The following SIK3 variants were observed in gnomAD, a reference collection of about 807,000 sequenced individuals.
SIK3 encodes the protein SIK family kinase 3.
SIK3 carries 28 observed loss-of-function variants against 144.2 expected under a neutral mutation model. The ratio of observed to expected loss-of-function variants is 0.19; its 90% CI spans 0.14 to 0.27. SIK3 has a LOEUF of 0.27. Among genes scored for constraint, SIK3 ranks in the 10% least tolerant of loss-of-function variants. SIK3 has a pLI of 1.00. For missense variants in SIK3, 1,319 were observed against 1,776.0 expected (o/e 0.74, Z 4.62); for synonymous variants, 686 against 676.3 (o/e 1.01, Z -0.22).
chr11:116,868,878 T>C (rs1943798257), intron 14 of SIK3: 1 of 152,192 alleles, frequency 6.6e-6, no homozygotes, highest in South Asian at 2.1e-4. Context: ...TTGTCCCTCT[T>C]TGTCTGGTGG....
intron 1 of SIK3, among the ~76,000 whole-genome samples, chr11:116,964,692 C>T (rs914083775): frequency 6.6e-6 from 1 of 152,042 alleles, no homozygotes; most frequent in Admixed American, 6.5e-5. Flanking sequence ...ACCAGCCTGG[C>T]CAACATGGTG....
intron 4 of SIK3, among the ~76,000 whole-genome samples, chr11:116,911,106 C>A (rs1431337132): frequency 1.3e-5 from 2 of 151,958 alleles, no homozygotes; most frequent in Admixed American, 6.6e-5. Context: ...TGCACTCCAA[C>A]CTGGGTGACA....
intron 22 of SIK3, among the ~76,000 whole-genome samples, chr11:116,848,264 G>T (rs1412193608): frequency 6.6e-6 from 1 of 152,082 alleles, no homozygotes; most frequent in Non-Finnish European, 1.5e-5. Context: ...GGAGAATGGC[G>T]TGAACCCGGG....
intron 1 of SIK3, among the ~76,000 whole-genome samples, chr11:117,046,990 CT>C (rs1021684514): frequency 6.6e-6 from 1 of 152,162 alleles, no homozygotes; most frequent in African/African-American, 2.4e-5. Context: ...GTAACAGAAT[CT>C]TTTTTTCCTA....
chr11:116,861,406 C>A, intron 18 of SIK3, 23 bp from the exon 19 acceptor site: 1 of 1,513,876 alleles, frequency 6.6e-7, no homozygotes. Context: ...AAAAGAGATA[C>A]ACAAAGAAGC....
intron 1 of SIK3, among the ~76,000 whole-genome samples, chr11:117,015,215 G>A (rs192179046): frequency 5.9e-4 from 90 of 152,156 alleles, no homozygotes; most frequent in African/African-American, 2.1e-3. Context: ...GTTAACCAGA[G>A]AAATGCAAAC....
intron 24 of SIK3, 28 bp from the exon 25 acceptor site, chr11:116,845,657 T>C (rs1941880710): frequency 6.6e-6 from 1 of 152,244 alleles, no homozygotes; most frequent in South Asian, 2.1e-4. Context: ...CAGAGGAGAA[T>C]TAGTTTGAAA....
intron 1 of SIK3, among the ~76,000 whole-genome samples, chr11:117,030,490 G>A (rs148528919): frequency 1.3e-5 from 2 of 152,158 alleles, no homozygotes; most frequent in African/African-American, 4.8e-5. Flanking sequence ...TGTGAAAAAA[G>A]CAAGACACAA....
chr11:116,978,336 A>G (rs1418837243), intron 1 of SIK3, among the ~76,000 whole-genome samples: 1 of 152,178 alleles, frequency 6.6e-6, no homozygotes, highest in African/African-American at 2.4e-5. Flanking sequence ...TATTCAAACC[A>G]TAGTTCCTAC....
chr11:116,947,569 A>ATGTATGTATTT (rs374241141), intron 3 of SIK3, among the ~76,000 whole-genome samples: 28,885 of 108,858 alleles, frequency 0.27, 5,600 homozygotes, highest in Non-Finnish European at 0.41. Flanking sequence ...GTATGTATGT[A>ATGTATGTATTT]TTTTTTTTTT....
chr11:116,862,510 G>T (rs1263017604), intron 16 of SIK3, among the ~76,000 whole-genome samples, 183 bp from the exon 17 acceptor site: 3 of 152,206 alleles, frequency 2.0e-5, no homozygotes, highest in African/African-American at 7.2e-5. Flanking sequence ...TTCACATCCT[G>T]TTCTGTATGA....
intron 3 of SIK3, among the ~76,000 whole-genome samples, chr11:116,944,171 T>G (rs1366028833): frequency 6.6e-6 from 1 of 152,146 alleles, no homozygotes; most frequent in Admixed American, 6.5e-5. Flanking sequence ...TATTTTAGAC[T>G]CTGCAGAGTG....
chr11:116,876,001 T>C lies in SIK3; in HGVS notation c.1104A>G (p.Arg368=). 6.2e-7 allele frequency: 1 copy of C among 1,613,560 alleles called. No homozygotes were observed. The highest frequency in any genetic ancestry group is 8.5e-7 in the Non-Finnish European group (1 of 1,179,888). Residue 368 remains arginine (R), a synonymous_variant, in exon 9 of 25, where the codon AGA becomes AGG. Transcript: ENST00000445177. ...LDKEQTLQSL[R]SDAYDHYSAI... ...CACTATAGTGATCATAGGCATCTGA[T>C]CTTAATGACTACCAAGAGAGAAGGG... is the stretch of plus-strand genomic sequence containing the variant.
At chr11:116,855,083 C>CCA (rs1942780970) in intron 21 of SIK3, among the ~76,000 whole-genome samples, 1 of 82,152 alleles carries the variant, frequency 1.2e-5, no homozygotes, top group Non-Finnish European at 2.1e-5. Flanking sequence ...GAGACTCTGC[C>CCA]AAAAAAAAAA....
intron 1 of SIK3, among the ~76,000 whole-genome samples, chr11:117,060,436 A>G (rs1045780297): frequency 3.3e-5 from 5 of 152,110 alleles, no homozygotes; most frequent in Non-Finnish European, 7.4e-5. Flanking sequence ...ATCTCTACTA[A>G]AAATATAAAA....
intron 1 of SIK3, among the ~76,000 whole-genome samples, chr11:117,006,442 G>A (rs1351684857): frequency 6.6e-6 from 1 of 150,552 alleles, no homozygotes; most frequent in Non-Finnish European, 1.5e-5. Flanking sequence ...CAAAACAAAG[G>A]ATCCTTCTAT....
intron 1 of SIK3, among the ~76,000 whole-genome samples, chr11:117,030,603 CAT>C (rs1177339031): frequency 1.3e-5 from 2 of 152,136 alleles, no homozygotes; most frequent in African/African-American, 2.4e-5. Context: ...ATTGAGATCA[CAT>C]GTGGTTTTTT....
chr11:116,881,801 C>A (rs1280802006), intron 6 of SIK3, among the ~76,000 whole-genome samples: 2 of 152,120 alleles, frequency 1.3e-5, no homozygotes, highest in African/African-American at 4.8e-5. Flanking sequence ...CATTTATTGA[C>A]CATTTACATG....
chr11:117,035,085 G>A (rs1364068329), intron 1 of SIK3, among the ~76,000 whole-genome samples: 4 of 151,892 alleles, frequency 2.6e-5, no homozygotes, highest in African/African-American at 9.7e-5. Context: ...TTATCTCTTG[G>A]TTGTTTCCAG....
Sources: gnomAD v4.1 joint callset for allele counts (sites outside exome capture counted in the v4.1 genomes callset) on GRCh38, gnomAD v4.1.1 for gene constraint, MANE v1.5 for transcripts, NCBI Gene and HGNC (gene_info 2026-07-23, HGNC 2026-07-21) for gene names.